Variants in MAGI2 observed in about 807,000 individuals in gnomAD.
The protein encoded by MAGI2 is membrane associated guanylate kinase, WW and PDZ domain containing 2, also known as membrane-associated guanylate kinase, WW and PDZ domain-containing protein 2.
A neutral mutation model predicts 133.3 loss-of-function variants in MAGI2; 35 were observed. That is an observed-to-expected ratio of 0.26 (90% confidence interval 0.20 to 0.35). The LOEUF (loss-of-function observed/expected upper bound fraction) is 0.35, where lower values mean the gene tolerates loss of function less well. Among genes scored for constraint, MAGI2 ranks in the 10% least tolerant of loss-of-function variants. The pLI is 1.00. For synonymous variants in MAGI2, 729 were observed against 710.6 expected (o/e 1.03, Z -0.41); for missense variants, 1,636 against 1,863.4 (o/e 0.88, Z 2.25).
At chr7:79,186,290 A>AC (rs200079044) in intron 1 of MAGI2, among the ~76,000 whole-genome samples, 6,601 of 146,294 alleles carry the variant, frequency 0.045, 319 homozygotes, top group African/African-American at 0.096. Flanking sequence ...CTATATATAT[A>AC]AAGTTTAATG....
intron 10 of MAGI2, among the ~76,000 whole-genome samples, chr7:78,211,413 G>A (rs1787756028): frequency 6.6e-6 from 1 of 152,186 alleles, no homozygotes; most frequent in Non-Finnish European, 1.5e-5. Flanking sequence ...GGGTAAAACT[G>A]ACTTGGGTTC....
At chr7:78,177,906 A>G in intron 14 of MAGI2, 105 bp downstream of exon 14, 2 of 762,868 alleles carry the variant, frequency 2.6e-6, no homozygotes, top group East Asian at 2.6e-5. Flanking sequence ...TCTTTATGAG[A>G]GTCCTAAAAC....
At chr7:78,075,531 C>T (rs1205061137) in intron 21 of MAGI2, among the ~76,000 whole-genome samples, 1 of 152,000 alleles carries the variant, frequency 6.6e-6, no homozygotes, top group Non-Finnish European at 1.5e-5. Flanking sequence ...CGCCCACCAC[C>T]ACACCCGGCT....
chr7:78,957,311 G>A (rs868006920), intron 2 of MAGI2, among the ~76,000 whole-genome samples: 12 of 148,592 alleles, frequency 8.1e-5, no homozygotes, highest in South Asian at 2.2e-4. Context: ...AAAAATTTAG[G>A]AACCCCTCCT....
At chr7:79,235,123 G>A (rs566412899) in intron 1 of MAGI2, among the ~76,000 whole-genome samples, 1 of 151,974 alleles carries the variant, frequency 6.6e-6, no homozygotes, top group South Asian at 2.1e-4. Flanking sequence ...AGGGGTCAGG[G>A]ACCCACTTGA....
At chr7:78,550,942 A>AT (rs1288992014) in intron 3 of MAGI2, among the ~76,000 whole-genome samples, 2 of 152,058 alleles carry the variant, frequency 1.3e-5, no homozygotes, top group East Asian at 1.9e-4. Context: ...TTTAAAATTG[A>AT]TTTTTTTATT....
chr7:78,884,300 A>C (rs1796101874), intron 2 of MAGI2, among the ~76,000 whole-genome samples: 1 of 152,204 alleles, frequency 6.6e-6, no homozygotes, highest in African/African-American at 2.4e-5. Context: ...TGACTTAAGC[A>C]GACCCAATCT....
At chr7:78,061,898 G>C (rs1813313504) in intron 21 of MAGI2, among the ~76,000 whole-genome samples, 1 of 152,198 alleles carries the variant, frequency 6.6e-6, no homozygotes, top group African/African-American at 2.4e-5. Context: ...AGTGAAACTG[G>C]AGATCTTTGA....
intron 21 of MAGI2, among the ~76,000 whole-genome samples, chr7:78,036,556 CAG>C (rs759178688): frequency 3.7e-4 from 57 of 152,254 alleles, no homozygotes; most frequent in Non-Finnish European, 7.6e-4. Flanking sequence ...GATGAAGAAA[CAG>C]AGGTTCATAG....
chr7:78,326,305 T>C (rs889174002), intron 9 of MAGI2, among the ~76,000 whole-genome samples: 1 of 152,252 alleles, frequency 6.6e-6, no homozygotes, highest in African/African-American at 2.4e-5. Context: ...CTCTGAATCA[T>C]ACTTCTGTGA....
intron 3 of MAGI2, among the ~76,000 whole-genome samples, chr7:78,548,103 G>T (rs954339731): frequency 1.3e-5 from 2 of 151,698 alleles, no homozygotes; most frequent in African/African-American, 4.8e-5. Flanking sequence ...GAGTTAGAAA[G>T]AGCCTTGACC....
At chr7:79,311,831 T>C (rs1264856306) in intron 1 of MAGI2, among the ~76,000 whole-genome samples, 1 of 152,130 alleles carries the variant, frequency 6.6e-6, no homozygotes, top group Non-Finnish European at 1.5e-5. Context: ...AAGGCAACTC[T>C]ATACCGCAAG....
chr7:78,163,789 C>T (rs1448374838), intron 15 of MAGI2, among the ~76,000 whole-genome samples: 1 of 151,548 alleles, frequency 6.6e-6, no homozygotes, highest in African/African-American at 2.4e-5. Flanking sequence ...CGCCTGTAGT[C>T]CCAGCTACTT....
At chr7:78,059,847 G>A (rs1222535288) in intron 21 of MAGI2, among the ~76,000 whole-genome samples, 1 of 151,188 alleles carries the variant, frequency 6.6e-6, no homozygotes, top group Non-Finnish European at 1.5e-5. Flanking sequence ...GTTAAACTTG[G>A]TAGAGACCCA....
chr7:78,301,855 A>G (rs1172112136), intron 9 of MAGI2, among the ~76,000 whole-genome samples: 1 of 152,164 alleles, frequency 6.6e-6, no homozygotes, highest in East Asian at 1.9e-4. Flanking sequence ...TCATGGCCTC[A>G]TTGTTCTCAG....
intron 5 of MAGI2, among the ~76,000 whole-genome samples, chr7:78,497,765 T>TG (rs199508717): frequency 0.053 from 7,484 of 141,114 alleles, 259 homozygotes; most frequent in African/African-American, 0.066. Context: ...TCTATCTATC[T>TG]TTCTATCTTA....
chr7:78,592,340 A>T (rs7786733), intron 3 of MAGI2, among the ~76,000 whole-genome samples: 5,598 of 147,364 alleles, frequency 0.038, 136 homozygotes, highest in African/African-American at 0.069. Flanking sequence ...ATAGTAGACT[A>T]TTTTTTTTTT....
At chr7:78,101,536 T>C (rs1818209479) in intron 20 of MAGI2, among the ~76,000 whole-genome samples, 1 of 152,178 alleles carries the variant, frequency 6.6e-6, no homozygotes, top group Non-Finnish European at 1.5e-5. Context: ...TCATACACCA[T>C]ACACATAAAT....
At chr7:79,391,771 G>A (rs1287582919) in intron 1 of MAGI2, among the ~76,000 whole-genome samples, 5 of 151,534 alleles carry the variant, frequency 3.3e-5, no homozygotes, top group African/African-American at 7.3e-5. Flanking sequence ...TGCAAGCTCC[G>A]CCTCCTGGTT....
Sources: allele counts gnomAD v4.1 joint callset (sites outside exome capture counted in the v4.1 genomes callset), GRCh38; gene constraint gnomAD v4.1.1; transcripts MANE v1.5; gene names NCBI Gene and HGNC (gene_info 2026-07-23, HGNC 2026-07-21).